LRRC37A3: variants seen among roughly 807,000 people sequenced by gnomAD.
LRRC37A3 encodes the protein leucine rich repeat containing 37 member A3.
A neutral mutation model predicts 106.2 loss-of-function variants in LRRC37A3; 25 were observed. The observed-to-expected ratio is 0.24, with a 90% CI of 0.17 to 0.33. The LOEUF is 0.33. LRRC37A3 is among the 10% of genes least tolerant of loss of function. The probability of loss-of-function intolerance (pLI) is 1.00; values close to 1 mark genes in which losing one functional copy is unlikely to be tolerated. For missense variants in LRRC37A3, 712 were observed against 1,644.9 expected (o/e 0.43, Z 9.81); for synonymous variants, 305 against 635.8 (o/e 0.48, Z 7.83).
intron 8 of LRRC37A3, chr17:64,880,955 A>C (rs1380813152): frequency 3.4e-6 from 2 of 596,242 alleles, no homozygotes; most frequent in African/African-American, 3.7e-5. Context: ...TTTAAATGAC[A>C]AACTCCAAAA....
At chr17:64,906,762 C>T (rs1974468833) in intron 2 of LRRC37A3, among the ~76,000 whole-genome samples, 2 of 143,990 alleles carry the variant, frequency 1.4e-5, no homozygotes, top group Admixed American at 6.9e-5. Flanking sequence ...GACGGAGTCT[C>T]CCTCTGTCGC....
At chr17:64,887,379 G>A (rs1973862732) in intron 6 of LRRC37A3, among the ~76,000 whole-genome samples, 1 of 10,920 alleles carries the variant, frequency 9.2e-5, no homozygotes, top group Non-Finnish European at 1.4e-4. Flanking sequence ...CTAGTGGCAC[G>A]TGCCTGTAGT....
rs1301361155 is a variant in LRRC37A3 at position 64,868,335 on chromosome 17, G to A, written c.3053+127C>T. 6 of 646,390 alleles carry A rather than the reference G, an allele frequency of 9.3e-6. No individual in the cohort carries two copies. In the African/African-American group the frequency reaches 1.1e-4, roughly 12 times the overall value. 40.0% of individuals were successfully genotyped at this position (646,390 alleles called of 1,614,324 possible). On this transcript the variant is annotated intron_variant, in intron 10 of 14. Coordinates refer to ENST00000584306, the MANE Select transcript of LRRC37A3 (RefSeq NM_199340.5). ...ATACATTTGTCAGACTCATCAAACT[G>A]TACACTTAAAAAGCGTGAATGTTAC...
chr17:64,857,485 T>C (rs1177614218), intron 13 of LRRC37A3, among the ~76,000 whole-genome samples: 2 of 152,128 alleles, frequency 1.3e-5, no homozygotes, highest in South Asian at 2.1e-4. Flanking sequence ...AATCCCAAGA[T>C]AGTTTTTGGT....
chr17:64,878,569 A>T (rs1054107723), intron 8 of LRRC37A3, among the ~76,000 whole-genome samples: 2 of 152,266 alleles, frequency 1.3e-5, no homozygotes, highest in African/African-American at 4.8e-5. Context: ...TGGCTCATAT[A>T]CACATAAAAA....
At position 64,854,435 on chromosome 17, in the gene LRRC37A3, G is replaced by A. The variant is rs1972607226; in HGVS notation, c.*164C>T. The A allele has an allele frequency of 2.0e-6, 2 of 993,226 alleles. No individual in the cohort carries two copies. Among genetic ancestry groups the A allele is most frequent in the Non-Finnish European group, 1.5e-6 (1 of 659,760 alleles). The allele number at this position is 993,226 out of a possible 1,614,324, so 61.5% of individuals were successfully genotyped here. On this transcript the variant is annotated 3_prime_UTR_variant, in exon 15 of 15. Coordinates refer to ENST00000584306, the MANE Select transcript of LRRC37A3 (RefSeq NM_199340.5). ...TGAGCATATGTTTTCAGGTCTGGGT[G>A]ACTAATTAGACTGGGAAACAAGGGC...
At chr17:64,861,417 C>T (rs1408236509) in intron 11 of LRRC37A3, among the ~76,000 whole-genome samples, 2 of 152,206 alleles carry the variant, frequency 1.3e-5, no homozygotes, top group African/African-American at 4.8e-5. Context: ...GCTACCATCA[C>T]AGCTGAATGC....
intron 2 of LRRC37A3, among the ~76,000 whole-genome samples, 154 bp downstream of exon 2, chr17:64,918,596 T>C (rs1974757291): frequency 6.6e-6 from 1 of 152,212 alleles, no homozygotes; most frequent in South Asian, 2.1e-4. Flanking sequence ...AAAATTAATT[T>C]TTTAAATTAA....
intron 8 of LRRC37A3, among the ~76,000 whole-genome samples, chr17:64,870,674 C>T (rs1018944396): frequency 6.6e-6 from 1 of 152,188 alleles, no homozygotes; most frequent in African/African-American, 2.4e-5. Context: ...AGCTATTAAG[C>T]AGCAAAGCTG....
At chr17:64,881,226 C>A (rs1973691138) in intron 8 of LRRC37A3, 2 of 697,256 alleles carry the variant, frequency 2.9e-6, no homozygotes, top group Non-Finnish European at 5.2e-6. Context: ...AACAGTGAGC[C>A]TTTTTCTTTT....
intron 11 of LRRC37A3, among the ~76,000 whole-genome samples, chr17:64,862,105 T>TAA (rs35421412): frequency 1.0e-3 from 123 of 123,296 alleles, no homozygotes; most frequent in African/African-American, 2.8e-3. Flanking sequence ...ACATAATTGG[T>TAA]AAAAAAAAAA....
At chr17:64,857,542 G>C (rs1309563261) in intron 13 of LRRC37A3, among the ~76,000 whole-genome samples, 1 of 152,046 alleles carries the variant, frequency 6.6e-6, no homozygotes, top group Admixed American at 6.5e-5. Context: ...CCAGGCTAGA[G>C]TGCAGTGGTA....
chr17:64,858,845 T>C lies in LRRC37A3; in HGVS notation c.4743A>G (p.Lys1581=). The change falls in exon 13 of 15, where the codon AAA becomes AAG. Residue 1581 remains lysine (K), a synonymous_variant. Coordinates refer to ENST00000584306, the MANE Select transcript of LRRC37A3 (RefSeq NM_199340.5). Reference sequence around the variant, plus strand: ...CAGTCACAATTAACGCCAAGATGAGTTTTTTGGTATAGCCATATCCTGGAA... The same window carrying C: ...CAGTCACAATTAACGCCAAGATGAGCTTTTTGGTATAGCCATATCCTGGAA... ...KELPGYGYTK[K]LILALIVTGI... is the part of the protein sequence containing the mutation. 6.2e-7 allele frequency: 1 copy of C among 1,612,958 alleles called. No individual in the cohort carries two copies. Among genetic ancestry groups the C allele is most frequent in the Non-Finnish European group, 8.5e-7 (1 of 1,179,340 alleles).
At chr17:64,914,332 A>C (rs1974657773) in intron 2 of LRRC37A3, among the ~76,000 whole-genome samples, 1 of 152,052 alleles carries the variant, frequency 6.6e-6, no homozygotes, top group South Asian at 2.1e-4. Flanking sequence ...GCCAAGGCAG[A>C]TGAATCACCC....
At position 64,861,870 on chromosome 17, in the gene LRRC37A3, G is replaced by GTT. The variant is rs776958463; in HGVS notation, c.3173-899_3173-898dup. On this transcript the variant is annotated intron_variant, in intron 11 of 14. Transcript: ENST00000584306. Reference sequence around the variant, plus strand: ...GTCAGGTGTGCCAGTGTGCAGCTGGGTTTCTTTTCCAGAATTAAAAGTACT... The same window carrying GTT: ...GTCAGGTGTGCCAGTGTGCAGCTGGGTTTTTCTTTTCCAGAATTAAAAGTACT... 3.3e-5 allele frequency among the ~76,000 whole-genome samples: 5 copies of GTT among 152,264 alleles called. No individual in the cohort carries two copies. The East Asian group carries it at 9.7e-4, about 29-fold the overall frequency.
At position 64,860,749 on chromosome 17, in the gene LRRC37A3, C is replaced by T; in HGVS notation, c.3397G>A (p.Asp1133Asn). 1 of 1,614,012 alleles carries T rather than the reference C, an allele frequency of 6.2e-7. No individual in the cohort carries two copies. Among genetic ancestry groups the T allele is most frequent in the Non-Finnish European group, 8.5e-7 (1 of 1,179,960 alleles). The part of the protein sequence containing the change: ...ILPYFSAVNL[D>N]VKSLLLPFIK... The stretch of plus-strand genomic sequence containing the variant: ...AACGGTAGTAACAGTGATTTCACAT[C>T]TAGGTTAACGGCTGAGAAATAAGGT... Residue 1133 changes from aspartate to asparagine, a missense_variant, in exon 12 of 15, where the codon GAT becomes AAT. By Grantham distance (23) the Asp-to-Asn change is conservative. Coordinates refer to ENST00000584306, the MANE Select transcript of LRRC37A3 (RefSeq NM_199340.5).
rs769037488 is a variant in LRRC37A3 at position 64,860,531 on chromosome 17, C to G, written c.3615G>C (p.Arg1205Ser). 22 of 1,612,840 alleles carry G rather than the reference C, an allele frequency of 1.4e-5. No individual in the cohort carries two copies. The highest frequency in any genetic ancestry group is 2.2e-5 in the East Asian group (1 of 44,878). ...GCTCCCTTGGGGCTGGACTTCCGAGCCTTTTTTCTTCGGCAGTGTTCTCCA... is the reference window on the plus strand; with the variant it reads ...GCTCCCTTGGGGCTGGACTTCCGAGGCTTTTTTCTTCGGCAGTGTTCTCCA... ...ASVENTAEEK[R>S]LGSPAPRELK... The change falls in exon 12 of 15, where the codon AGG becomes AGC. Residue 1205 changes from arginine to serine, a missense_variant. Transcript: ENST00000584306.
Position 64,859,619 on chromosome 17 carries a change from A to G in LRRC37A3, c.4527T>C (p.His1509=). ...RTLKMDCSGA[H]VQVTCAKLVS... Reference sequence around the variant, plus strand: ...CGAGCTTGGCACAGGTCACTTGCACATGGGCCCCAGAGCAGTCCATCTTCA... The same window carrying G: ...CGAGCTTGGCACAGGTCACTTGCACGTGGGCCCCAGAGCAGTCCATCTTCA... Residue 1509 remains histidine, a synonymous_variant, in exon 12 of 15, where the codon CAT becomes CAC. Transcript: ENST00000584306. 2.5e-6 allele frequency: 4 copies of G among 1,613,346 alleles called. No homozygotes were observed. The highest frequency in any genetic ancestry group is 3.4e-6 in the Non-Finnish European group (4 of 1,179,930).
At position 64,860,753 on chromosome 17, in the gene LRRC37A3, G is replaced by A; in HGVS notation, c.3393C>T (p.Asn1131=). 1 of 1,614,034 alleles carries A rather than the reference G, an allele frequency of 6.2e-7. No homozygotes were observed. The highest frequency in any genetic ancestry group is 2.2e-5 in the East Asian group (1 of 44,886). The change falls in exon 12 of 15, where the codon AAC becomes AAT. Residue 1131 remains asparagine, a synonymous_variant. Transcript: ENST00000584306. ...SYILPYFSAV[N]LDVKSLLLPF... ...GTAGTAACAGTGATTTCACATCTAG[G>A]TTAACGGCTGAGAAATAAGGTAAGA...
Sources: gnomAD v4.1 joint callset for allele counts (sites outside exome capture counted in the v4.1 genomes callset) on GRCh38, gnomAD v4.1.1 for gene constraint, MANE v1.5 for transcripts, NCBI Gene and HGNC (gene_info 2026-07-23, HGNC 2026-07-21) for gene names.